RAMP1: variants seen among roughly 807,000 people sequenced by gnomAD.
The protein encoded by RAMP1 is receptor activity-modifying protein 1.
Under a neutral mutation model 8.2 loss-of-function variants are expected in RAMP1, and 7 were observed. The observed-to-expected ratio is 0.85, with a 90% CI of 0.49 to 1.60. The LOEUF is 1.60. RAMP1 is among the 40% of genes most tolerant of loss of function. The pLI is 0.00. For synonymous variants in RAMP1, 92 were observed against 84.7 expected (o/e 1.09, Z -0.47); for missense variants, 192 against 202.4 (o/e 0.95, Z 0.31).
intron 2 of RAMP1, among the ~76,000 whole-genome samples, chr2:237,906,717 CTTTTTTT>C (rs71402734): frequency 8.5e-4 from 73 of 86,230 alleles, no homozygotes; most frequent in African/African-American, 3.3e-3. Flanking sequence ...ATATCAACCT[CTTTTTTT>C]TTTTTTTTTT....
chr2:237,908,801 A>G (rs963177873), intron 2 of RAMP1, among the ~76,000 whole-genome samples: 7 of 152,080 alleles, frequency 4.6e-5, no homozygotes, highest in African/African-American at 1.7e-4. Flanking sequence ...CCTTCCAAGG[A>G]AAAAGAGTTC....
At chr2:237,885,806 C>T (rs919307888) in intron 2 of RAMP1, among the ~76,000 whole-genome samples, 4 of 152,224 alleles carry the variant, frequency 2.6e-5, no homozygotes, top group African/African-American at 9.6e-5. Flanking sequence ...CACCCTCTGC[C>T]CCCCCTGGGT....
At chr2:237,882,610 G>A (rs1299085897) in intron 2 of RAMP1, among the ~76,000 whole-genome samples, 3 of 152,180 alleles carry the variant, frequency 2.0e-5, no homozygotes, top group East Asian at 1.9e-4. Flanking sequence ...CCGTCCTGGC[G>A]ATGTCCCTAC....
At chr2:237,868,358 C>T (rs1347126802) in intron 1 of RAMP1, among the ~76,000 whole-genome samples, 1 of 151,996 alleles carries the variant, frequency 6.6e-6, no homozygotes, top group African/African-American at 2.4e-5. Flanking sequence ...TTTTCTGTGT[C>T]TTGTAGCAGT....
At chr2:237,879,711 C>T (rs1486234588) in intron 2 of RAMP1, among the ~76,000 whole-genome samples, 2 of 148,046 alleles carry the variant, frequency 1.4e-5, no homozygotes, top group Non-Finnish European at 3.0e-5. Context: ...AAAATCTGAC[C>T]GGGCACTGTG....
At position 237,860,374 on chromosome 2, in the gene RAMP1, G is replaced by T. The variant is rs527914775; in HGVS notation, c.52+647G>T. Among the ~76,000 whole-genome samples the T allele has an allele frequency of 1.1e-4, 16 of 152,250 alleles. No homozygotes were observed. In the South Asian group the frequency reaches 2.9e-3, roughly 28 times the overall value. On this transcript the variant is annotated intron_variant, in intron 1 of 2. Coordinates refer to ENST00000254661, the MANE Select transcript of RAMP1 (RefSeq NM_005855.4). ...GTTAACTTGGCACTTTTGGCTAATAGAAATTTAAAGAAGGACGGGTCCCTT... is the reference window on the plus strand; with the variant it reads ...GTTAACTTGGCACTTTTGGCTAATATAAATTTAAAGAAGGACGGGTCCCTT...
intron 2 of RAMP1, among the ~76,000 whole-genome samples, chr2:237,893,966 C>CTTTA: frequency 9.7e-6 from 1 of 102,632 alleles, no homozygotes; most frequent in Admixed American, 1.1e-4. Flanking sequence ...AATAAAAATA[C>CTTTA]TTTCTTTTTT....
chr2:237,885,729 C>CT (rs1362109334), intron 2 of RAMP1, among the ~76,000 whole-genome samples: 2 of 152,244 alleles, frequency 1.3e-5, no homozygotes, highest in Non-Finnish European at 1.5e-5. Flanking sequence ...GTGCCCCTCT[C>CT]TGTGTGTCTG....
intron 2 of RAMP1, among the ~76,000 whole-genome samples, chr2:237,898,078 C>G (rs886402347): frequency 6.6e-6 from 1 of 152,146 alleles, no homozygotes; most frequent in Non-Finnish European, 1.5e-5. Flanking sequence ...GGATTGCAGG[C>G]GGGAACCACT....
At chr2:237,864,017 C>G (rs1424224414) in intron 1 of RAMP1, among the ~76,000 whole-genome samples, 1 of 152,150 alleles carries the variant, frequency 6.6e-6, no homozygotes, top group African/African-American at 2.4e-5. Context: ...CCAGCAGACC[C>G]TCAGGGTACG....
intron 2 of RAMP1, among the ~76,000 whole-genome samples, chr2:237,888,229 AT>A (rs1279757854): frequency 6.6e-6 from 1 of 151,810 alleles, no homozygotes; most frequent in Non-Finnish European, 1.5e-5. Flanking sequence ...AATTTTTTGT[AT>A]TTTTAGTAGA....
intron 2 of RAMP1, among the ~76,000 whole-genome samples, chr2:237,882,957 T>A (rs377577824): frequency 1.3e-5 from 2 of 152,156 alleles, no homozygotes; most frequent in African/African-American, 4.8e-5. Context: ...GGGTCCCAGC[T>A]GGTCTCAAGG....
In RAMP1 at chr2:237,877,368, T is replaced by G; in HGVS notation, c.191+6T>G. 6.2e-7 allele frequency: 1 copy of G among 1,609,426 alleles called. No individual in the cohort carries two copies. The highest frequency in any genetic ancestry group is 1.1e-5 in the South Asian group (1 of 90,334). ...GACTGGGGCAGGACCATCAGGTGAG[T>G]CCCATGGCCCCTGGTGGGCAGGACA... On this transcript the variant is annotated splice_donor_region_variant and intron_variant, in intron 2 of 2. Coordinates refer to ENST00000254661, the MANE Select transcript of RAMP1 (RefSeq NM_005855.4). The surrounding 1 kb of genome is among the most constrained non-coding windows in gnomAD (Gnocchi z 4.4).
chr2:237,900,409 C>A (rs995267520), intron 2 of RAMP1, among the ~76,000 whole-genome samples: 2 of 152,184 alleles, frequency 1.3e-5, no homozygotes, highest in Non-Finnish European at 2.9e-5. Context: ...GATCTGCCCA[C>A]CTCGGCCTCC....
chr2:237,893,809 C>T (rs147647615), intron 2 of RAMP1, among the ~76,000 whole-genome samples: 1,625 of 151,928 alleles, frequency 0.011, 34 homozygotes, highest in African/African-American at 0.038. Flanking sequence ...CGTGGTGGCA[C>T]GCACCTGCAG....
chr2:237,861,856 A>T (rs2062135750), intron 1 of RAMP1, among the ~76,000 whole-genome samples: 1 of 151,796 alleles, frequency 6.6e-6, no homozygotes, highest in South Asian at 2.1e-4. Context: ...CGTCTCAAAA[A>T]AAAAAAAAAC....
At chr2:237,873,028 C>A (rs1028461192) in intron 1 of RAMP1, among the ~76,000 whole-genome samples, 4 of 152,144 alleles carry the variant, frequency 2.6e-5, no homozygotes, top group South Asian at 4.2e-4. Context: ...GTCTCAAAAT[C>A]AAATAAAATA....
chr2:237,864,367 G>A (rs1036853975), intron 1 of RAMP1, among the ~76,000 whole-genome samples: 1 of 152,236 alleles, frequency 6.6e-6, no homozygotes, highest in Non-Finnish European at 1.5e-5. Flanking sequence ...GCCCCAGGCC[G>A]GGAGGGGAAG....
chr2:237,863,553 G>A (rs1346438412), intron 1 of RAMP1, among the ~76,000 whole-genome samples: 1 of 152,204 alleles, frequency 6.6e-6, no homozygotes, highest in African/African-American at 2.4e-5. Flanking sequence ...TCACTTCACC[G>A]AATGATGTTA....
Sources: allele counts gnomAD v4.1 joint callset (sites outside exome capture counted in the v4.1 genomes callset), GRCh38; gene constraint gnomAD v4.1.1; non-coding constraint Gnocchi (gnomAD v3.1); transcripts MANE v1.5; gene names NCBI Gene and HGNC (gene_info 2026-07-23, HGNC 2026-07-21).